DIPK1C: variants seen among roughly 807,000 people sequenced by gnomAD.
DIPK1C encodes the protein divergent protein kinase domain 1C, also known as familial non-conventional Alzheimer's dementia.
A neutral mutation model predicts 28.0 loss-of-function variants in DIPK1C; 33 were observed. The observed-to-expected ratio is 1.18, with a 90% confidence interval of 0.89 to 1.58. The LOEUF is 1.58. Ranked by LOEUF, DIPK1C falls within the 40% of genes most tolerant of loss-of-function variation. The pLI is 0.00. For missense variants in DIPK1C, 569 were observed against 568.5 expected (o/e 1.00, Z -0.01); for synonymous variants, 255 against 248.8 (o/e 1.02, Z -0.23).
intron 3 of DIPK1C, 38 bp downstream of exon 3, chr18:74,441,914 G>A: frequency 3.8e-6 from 6 of 1,596,870 alleles, no homozygotes; most frequent in Non-Finnish European, 4.3e-6. Flanking sequence ...CAGCCAAAGA[G>A]CACCCTCTCC....
chr18:74,459,339 T>C (rs1049136763), upstream of DIPK1C, among the ~76,000 whole-genome samples: 1 of 152,240 alleles, frequency 6.6e-6, no homozygotes, highest in Non-Finnish European at 1.5e-5. Flanking sequence ...AAATCCGTTA[T>C]GAAGCCCACT....
chr18:74,447,476 C>T lies in DIPK1C; in HGVS notation c.199-193G>A, dbSNP rs936827406. 6.6e-6 allele frequency among the ~76,000 whole-genome samples: 1 copy of T among 152,206 alleles called. No homozygotes were observed. Among genetic ancestry groups the T allele is most frequent in the Non-Finnish European group, 1.5e-5 (1 of 68,034 alleles). The stretch of plus-strand genomic sequence containing the variant: ...GTAATTCAGAGGAAGGTTAAAGGAG[C>T]CGCTCACAGTCATTACACGACTCAG... On this transcript the variant is annotated intron_variant, in intron 1 of 3. Coordinates refer to ENST00000343998, the MANE Select transcript of DIPK1C (RefSeq NM_001044369.3). This position sits in a 1 kb window ranked among gnomAD's most constrained non-coding sequence, Gnocchi z 4.1.
At position 74,457,161 on chromosome 18, in the gene DIPK1C, C is replaced by G. The variant is rs748541769; in HGVS notation, c.99G>C (p.Ala33=). 2.9e-6 allele frequency: 4 copies of G among 1,379,314 alleles called. No individual in the cohort carries two copies. The highest frequency in any genetic ancestry group is 3.3e-5 in the Admixed American group (1 of 30,640). 85.4% of individuals were successfully genotyped at this position (1,379,314 alleles called of 1,614,324 possible). ...GCAGCGCGGCCGCCAGCACCCAGCC[C>G]GCGGTCCACGCGGCGAAGGCGAGGA... ...GTLLAFAAWT[A]GWVLAAALLL... is the part of the protein sequence containing the mutation. Residue 33 remains alanine (A), a synonymous_variant, in exon 1 of 4, where the codon GCG becomes GCC. Coordinates refer to ENST00000343998, the MANE Select transcript of DIPK1C (RefSeq NM_001044369.3).
At position 74,447,041 on chromosome 18, in the gene DIPK1C, G is replaced by A. The variant is rs1176637247; in HGVS notation, c.441C>T (p.Leu147=). ...TGACCTCCCCAGCCACCATCAGGAG[G>A]AGTTCGGCCTCGGGCATGTCCTGGC... The part of the protein sequence containing the change: ...EGGQDMPEAE[L]LLMVAGEVKS... The change falls in exon 2 of 4, where the codon CTC becomes CTT. Residue 147 remains leucine, a synonymous_variant. Coordinates refer to ENST00000343998, the MANE Select transcript of DIPK1C (RefSeq NM_001044369.3). This position sits in a 1 kb window ranked among gnomAD's most constrained non-coding sequence, Gnocchi z 4.1. 2.6e-6 allele frequency: 4 copies of A among 1,549,056 alleles called. No individual in the cohort carries two copies. The African/African-American group carries it at 4.1e-5, about 16-fold the overall frequency.
At position 74,447,248 on chromosome 18, in the gene DIPK1C, G is replaced by A. The variant is rs1466831422; in HGVS notation, c.234C>T (p.Asp78=). Residue 78 remains aspartate (D), a synonymous_variant, in exon 2 of 4, where the codon GAC becomes GAT. Transcript: ENST00000343998. The surrounding 1 kb of genome is among the most constrained non-coding windows in gnomAD (Gnocchi z 4.1). ...QDYQGGTLAG[D]LCEDLCVAGE... is the part of the protein sequence containing the mutation. The stretch of plus-strand genomic sequence containing the variant: ...CCGCCACACACAGGTCCTCGCAGAG[G>A]TCCCCGGCCAGCGTGCCGCCCTGGT... 6.5e-7 allele frequency: 1 copy of A among 1,545,826 alleles called. No homozygotes were observed. The highest frequency in any genetic ancestry group is 2.4e-5 in the East Asian group (1 of 40,838).
In DIPK1C at chr18:74,457,221, C is replaced by T. The variant is rs988329671; in HGVS notation, c.39G>A (p.Trp13Ter). The part of the protein sequence containing the change: ...RAAGARGPAG[W>*]CRRRGRCGRG... ...GCCCGCAGCGCCCGCGCCTCCTGCA[C>T]CACCCGGCAGGGCCCCGCGCGCCCG... Residue 13 changes from tryptophan to a stop codon, truncating the protein, a stop_gained, in exon 1 of 4, where the codon TGG (tryptophan) becomes TGA (stop). Transcript: ENST00000343998. LOFTEE classifies it high-confidence loss of function. The T allele has an allele frequency of 2.7e-6, 3 of 1,129,478 alleles. No homozygotes were observed. Among genetic ancestry groups the T allele is most frequent in the African/African-American group, 3.3e-5 (2 of 60,432 alleles). The allele number at this position is 1,129,478 out of a possible 1,614,324, so 70.0% of individuals were successfully genotyped here. A position where few individuals can be genotyped will look rare whatever the true frequency, so the allele number is the denominator to read the frequency against.
intron 2 of DIPK1C, among the ~76,000 whole-genome samples, chr18:74,443,194 CAG>C (rs1568262688): frequency 6.6e-6 from 1 of 152,180 alleles, no homozygotes; most frequent in Non-Finnish European, 1.5e-5. Context: ...ACTTCAAAAC[CAG>C]AGAGAGAATA....
intron 1 of DIPK1C, among the ~76,000 whole-genome samples, chr18:74,451,754 C>T (rs1986402483): frequency 6.6e-6 from 1 of 152,180 alleles, no homozygotes; most frequent in Non-Finnish European, 1.5e-5. Flanking sequence ...GTGACAAAAG[C>T]GCTGACCAGA....
chr18:74,436,709 T>A lies in DIPK1C; in HGVS notation c.1052A>T (p.Asp351Val), dbSNP rs1215255010. 6.2e-7 allele frequency: 1 copy of A among 1,612,234 alleles called. No individual in the cohort carries two copies. The highest frequency in any genetic ancestry group is 1.7e-5 in the Admixed American group (1 of 59,786). The change falls in exon 4 of 4, where the codon GAC (aspartate) becomes GTC (valine). Residue 351 changes from aspartate to valine, a missense_variant. Asp to Val is a radical substitution (Grantham distance 152). Transcript: ENST00000343998. The part of the protein sequence containing the change: ...RVNNNLQVIC[D>V]KIFRHWFSAP... ...GGAAAACCAATGGCGAAATATTTTG[T>A]CACAGATGACCTGAGGGAAAGAAGG...
chr18:74,461,970 C>T (rs936228456), upstream of DIPK1C, among the ~76,000 whole-genome samples: 15 of 152,138 alleles, frequency 9.9e-5, no homozygotes. Context: ...CTATTTTGCC[C>T]AGTCTGGTCT....
At chr18:74,452,771 T>C (rs1165675989) in intron 1 of DIPK1C, among the ~76,000 whole-genome samples, 1 of 152,160 alleles carries the variant, frequency 6.6e-6, no homozygotes, top group Non-Finnish European at 1.5e-5. Context: ...ATCATTTTAT[T>C]AGCAGCATGT....
chr18:74,460,532 A>G (rs1986600323), upstream of DIPK1C, among the ~76,000 whole-genome samples: 1 of 152,228 alleles, frequency 6.6e-6, no homozygotes, highest in South Asian at 2.1e-4. Context: ...TATTTCAGAT[A>G]AGCACATATT....
intron 1 of DIPK1C, among the ~76,000 whole-genome samples, chr18:74,448,334 A>G (rs982660268): frequency 1.3e-5 from 2 of 152,222 alleles, no homozygotes; most frequent in Admixed American, 6.5e-5. Context: ...AGGAACTTCT[A>G]TAGCACATGA....
chr18:74,448,084 C>G lies in DIPK1C; in HGVS notation c.199-801G>C, dbSNP rs1429401948. ...CTAGGGGACCTGGCGACCTTCCCCA[C>G]CACACCACAAATTCCCTGAGAAGCC... On this transcript the variant is annotated intron_variant, in intron 1 of 3. Coordinates refer to ENST00000343998, the MANE Select transcript of DIPK1C (RefSeq NM_001044369.3). 2.6e-5 allele frequency among the ~76,000 whole-genome samples: 4 copies of G among 152,286 alleles called. No homozygotes were observed. The East Asian group carries it at 5.8e-4, about 22-fold the overall frequency.
At chr18:74,459,913 G>T (rs1334650013), upstream of DIPK1C, among the ~76,000 whole-genome samples, 1 of 152,144 alleles carries the variant, frequency 6.6e-6, no homozygotes, top group Non-Finnish European at 1.5e-5. Context: ...GTGGGCTCCC[G>T]ATCCCTGGGC....
upstream of DIPK1C, chr18:74,457,885 C>CG (rs1350088757): frequency 6.6e-6 from 1 of 152,272 alleles, no homozygotes; most frequent in Non-Finnish European, 1.5e-5. Context: ...CCCCTTCCCA[C>CG]GGGCACCCCT....
rs968758704 is a variant in DIPK1C at position 74,446,928 on chromosome 18, G to A, written c.554C>T (p.Ala185Val). Reference sequence around the variant, plus strand: ...CTGCTGCAGCAGGGCCCACAGGCTGGCCAGCTGTCCCCGCCAGCGTGGGCC... The same window carrying A: ...CTGCTGCAGCAGGGCCCACAGGCTGACCAGCTGTCCCCGCCAGCGTGGGCC... ...RRGPRWRGQL[A>V]SLWALLQQEE... Residue 185 changes from alanine to valine, a missense_variant, in exon 2 of 4, where the codon GCC becomes GTC. Physicochemically the swap from Ala to Val is moderately conservative, Grantham distance 64. Transcript: ENST00000343998. The A allele has an allele frequency of 1.3e-6, 2 of 1,502,876 alleles. No homozygotes were observed. The highest frequency in any genetic ancestry group is 4.3e-5 in the Admixed American group (2 of 46,490). The allele number at this position is 1,502,876 out of a possible 1,614,324, so 93.1% of individuals were successfully genotyped here.
chr18:74,443,907 TCTC>T (rs750279520), intron 2 of DIPK1C, among the ~76,000 whole-genome samples: 2 of 152,258 alleles, frequency 1.3e-5, no homozygotes, highest in South Asian at 2.1e-4. Flanking sequence ...TCTTGCAACT[TCTC>T]CTTCCCATTT....
At position 74,446,615 on chromosome 18, in the gene DIPK1C, G is replaced by A. The variant is rs529170679; in HGVS notation, c.867C>T (p.Ser289=). The A allele has an allele frequency of 5.6e-5, 82 of 1,456,916 alleles. No individual in the cohort carries two copies. The South Asian group carries it at 9.3e-4, about 17-fold the overall frequency. 90.2% of individuals were successfully genotyped at this position (1,456,916 alleles called of 1,614,324 possible). A position where few individuals can be genotyped will look rare whatever the true frequency, so the allele number is the denominator to read the frequency against. The change falls in exon 2 of 4, where the codon AGC becomes AGT. Residue 289 remains serine, a synonymous_variant. Coordinates refer to ENST00000343998, the MANE Select transcript of DIPK1C (RefSeq NM_001044369.3). ...DIKPENFAIR[S]DFTVVAIDVD... is the part of the protein sequence containing the mutation. ...GACCTGCGCCACTTACTGTGAAGTC[G>A]CTCCGGATGGCAAAGTTTTCCGGCT...
Sources: gnomAD v4.1 joint callset for allele counts (sites outside exome capture counted in the v4.1 genomes callset) on GRCh38, gnomAD v4.1.1 for gene constraint, Gnocchi (gnomAD v3.1) non-coding constraint, MANE v1.5 for transcripts, NCBI Gene and HGNC (gene_info 2026-07-23, HGNC 2026-07-21) for gene names.